The following ERAP2 variants were observed in gnomAD, a reference collection of about 807,000 sequenced individuals.
ERAP2 encodes leukocyte-derived arginine aminopeptidase.
Under a neutral mutation model 111.1 loss-of-function variants are expected in ERAP2, and 118 were observed. The observed-to-expected ratio is 1.06, with a 90% CI of 0.92 to 1.24. The LOEUF (loss-of-function observed/expected upper bound fraction) is 1.24, where lower values mean the gene tolerates loss of function less well. Ranked by LOEUF, ERAP2 falls within the 50% of genes most tolerant of loss-of-function variation. The pLI, the probability that ERAP2 is intolerant of heterozygous loss-of-function variation, is 0.00. For synonymous variants in ERAP2, 410 were observed against 401.2 expected (o/e 1.02, Z -0.26); for missense variants, 1,131 against 1,125.8 (o/e 1.00, Z -0.07).
At chr5:96,884,008 T>C in intron 3 of ERAP2, 78 bp downstream of exon 3, 1 of 1,347,816 alleles carries the variant, frequency 7.4e-7, no homozygotes, top group Non-Finnish European at 1.0e-6. Context: ...AAAATTGCTT[T>C]CAGGATTTCA....
rs1784751390 is a variant in ERAP2 at position 96,895,185 on chromosome 5, T to TTG, written c.1126-61_1126-60insTG. 4.9e-6 allele frequency: 5 copies of TTG among 1,027,688 alleles called. No individual in the cohort carries two copies. In the East Asian group the frequency reaches 1.3e-4, roughly 27 times the overall value. 63.7% of individuals were successfully genotyped at this position (1,027,688 alleles called of 1,614,324 possible). The stretch of plus-strand genomic sequence containing the variant: ...AAAAGTTAGTAACTATTGTATTTTT[T>TTG]GCTAAAGTTAATAATTTTTATTTGT... On this transcript the variant is annotated intron_variant, in intron 6 of 18. Coordinates refer to ENST00000437043, the MANE Select transcript of ERAP2 (RefSeq NM_022350.5).
rs1416290196 is a variant in ERAP2, at chr5:96,909,560, C to T, written c.2170-20C>T. ...GGACTAAATTTAGCCTCTCTGTTAA[C>T]CATCTCATATTTTCTGCAGCGTTAC... is the stretch of plus-strand genomic sequence containing the variant. On this transcript the variant is annotated intron_variant, in intron 14 of 18. Coordinates refer to ENST00000437043, the MANE Select transcript of ERAP2 (RefSeq NM_022350.5). The T allele has an allele frequency of 3.1e-6, 5 of 1,600,640 alleles. No individual in the cohort carries two copies. The highest frequency in any genetic ancestry group is 1.1e-5 in the South Asian group (1 of 90,764).
chr5:96,899,876 A>G (rs1785265950), intron 9 of ERAP2, among the ~76,000 whole-genome samples: 1 of 152,214 alleles, frequency 6.6e-6, no homozygotes, highest in South Asian at 2.1e-4. Context: ...ACGGTTAATG[A>G]CTTTATTGAA....
At chr5:96,881,987 G>A (rs1204585324) in intron 2 of ERAP2, among the ~76,000 whole-genome samples, 1 of 90,838 alleles carries the variant, frequency 1.1e-5, no homozygotes, top group Non-Finnish European at 2.2e-5. Flanking sequence ...ATGGGTATCA[G>A]GAAGTGACTA....
chr5:96,881,550 T>C, intron 2 of ERAP2: 1 of 453,056 alleles, frequency 2.2e-6, no homozygotes, highest in Non-Finnish European at 4.4e-6. Flanking sequence ...TGGAGAAATC[T>C]AAATTCCATG....
chr5:96,896,496 T>C lies in ERAP2; in HGVS notation c.1363T>C (p.Tyr455His). Reference sequence around the variant, plus strand: ...ACAGGAAATGTTTGATGAAGTTTCCTATAACAAGGTAGTAAATATCAGGTG... The same window carrying C: ...ACAGGAAATGTTTGATGAAGTTTCCCATAACAAGGTAGTAAATATCAGGTG... ...QIQEMFDEVSYNKGACILNML... is the reference protein window; with the variant it reads ...QIQEMFDEVSHNKGACILNML... Residue 455 changes from tyrosine to histidine, a missense_variant, in exon 8 of 19, where the codon TAT becomes CAT. Physicochemically the swap from Tyr to His is moderately conservative, Grantham distance 83. Coordinates refer to ENST00000437043, the MANE Select transcript of ERAP2 (RefSeq NM_022350.5). 1 of 1,613,112 alleles carries C rather than the reference T, an allele frequency of 6.2e-7. No individual in the cohort carries two copies. Among genetic ancestry groups the C allele is most frequent in the South Asian group, 1.1e-5 (1 of 90,974 alleles).
chr5:96,886,800 G>A lies in ERAP2; in HGVS notation c.849+11G>A, dbSNP rs771577848. On this transcript the variant is annotated intron_variant, in intron 4 of 18. Transcript: ENST00000437043. The stretch of plus-strand genomic sequence containing the variant: ...TCATCAGGGGTCAAGGTGAGACTGA[G>A]TTCTAACGTTCTACGCAGTGCAGAA... The A allele has an allele frequency of 4.8e-6, 7 of 1,472,502 alleles. No homozygotes were observed. The South Asian group carries it at 1.0e-4, about 21-fold the overall frequency. 91.2% of individuals were successfully genotyped at this position (1,472,502 alleles called of 1,614,324 possible).
Position 96,912,816 on chromosome 5 carries a change from A to G in ERAP2, c.2516+18A>G, listed in dbSNP as rs781675974. The G allele has an allele frequency of 4.8e-5, 76 of 1,576,252 alleles. No homozygotes were observed. Among genetic ancestry groups the G allele is most frequent in the Non-Finnish European group, 5.9e-5 (69 of 1,166,486 alleles). Reference sequence around the variant, plus strand: ...TTACTGAAGTAAGTTCAATAATTTAACTAAATTGTTATAAGTAAACTGACA... The same window carrying G: ...TTACTGAAGTAAGTTCAATAATTTAGCTAAATTGTTATAAGTAAACTGACA... On this transcript the variant is annotated intron_variant, in intron 16 of 18. Coordinates refer to ENST00000437043, the MANE Select transcript of ERAP2 (RefSeq NM_022350.5).
At chr5:96,904,016 G>C (rs1477610642) in intron 13 of ERAP2, among the ~76,000 whole-genome samples, 1 of 152,138 alleles carries the variant, frequency 6.6e-6, no homozygotes, top group Non-Finnish European at 1.5e-5. Flanking sequence ...TATGTTATTA[G>C]CTGCTACACC....
At chr5:96,914,146 T>A (rs1010496614) in intron 17 of ERAP2, among the ~76,000 whole-genome samples, 78 of 104,720 alleles carry the variant, frequency 7.4e-4, no homozygotes, top group African/African-American at 2.8e-3. Flanking sequence ...TCTCTCTCTC[T>A]CTCACACACA....
At chr5:96,885,353 C>T (rs948372540) in intron 3 of ERAP2, among the ~76,000 whole-genome samples, 4 of 152,178 alleles carry the variant, frequency 2.6e-5, no homozygotes, top group Non-Finnish European at 5.9e-5. Context: ...GTTGAATCAG[C>T]TTCCTAAAAA....
rs1787558947 is a variant in ERAP2, at chr5:96,917,581, G to T, written c.2859G>T (p.Arg953Ser). 6.2e-7 allele frequency: 1 copy of T among 1,612,892 alleles called. No homozygotes were observed. The highest frequency in any genetic ancestry group is 8.5e-7 in the Non-Finnish European group (1 of 1,179,290). The change falls in exon 19 of 19, where the codon AGG becomes AGT. Residue 953 changes from arginine (R) to serine (S), a missense_variant. Transcript: ENST00000437043. ...TGGAGAAGAATCTTCCGACTCTGAG[G>T]ACTTGGCTAATGGTTAATACTTAAA... ...KWLEKNLPTL[R>S]TWLMVNT
intron 5 of ERAP2, chr5:96,889,530 C>T (rs1784108324): frequency 4.3e-6 from 3 of 696,260 alleles, no homozygotes; most frequent in African/African-American, 1.8e-5. Flanking sequence ...TCAGGTTTAA[C>T]GTTAACATAT....
At chr5:96,882,948 T>G (rs1290091202) in intron 2 of ERAP2, among the ~76,000 whole-genome samples, 1 of 152,190 alleles carries the variant, frequency 6.6e-6, no homozygotes, top group Non-Finnish European at 1.5e-5. Context: ...TAATTGAAGC[T>G]TAAAGTCCAA....
intron 6 of ERAP2, among the ~76,000 whole-genome samples, chr5:96,893,427 C>T (rs1784575043): frequency 6.6e-6 from 1 of 152,206 alleles, no homozygotes; most frequent in Non-Finnish European, 1.5e-5. Flanking sequence ...GAGCCATGCT[C>T]AACACTGTGC....
intron 1 of ERAP2, among the ~76,000 whole-genome samples, chr5:96,879,045 G>C (rs1403658627): frequency 1.3e-5 from 2 of 152,070 alleles, no homozygotes; most frequent in African/African-American, 2.4e-5. Context: ...TGGGTAACAG[G>C]GAGACCCCCA....
chr5:96,880,695 GA>G (rs77819744), intron 2 of ERAP2, among the ~76,000 whole-genome samples: 35,756 of 152,052 alleles, frequency 0.24, 4,883 homozygotes, highest in East Asian at 0.46. Context: ...CGAATAGTCA[GA>G]AACAAGGAAC....
chr5:96,878,675 C>T (rs144990123), intron 1 of ERAP2, among the ~76,000 whole-genome samples: 137 of 152,222 alleles, frequency 9.0e-4, no homozygotes, highest in African/African-American at 3.1e-3. Flanking sequence ...CGCCTGTGAT[C>T]TCAGCACTTT....
At position 96,879,854 on chromosome 5, in the gene ERAP2, A is replaced by G; in HGVS notation, c.169A>G (p.Thr57Ala). The G allele has an allele frequency of 6.2e-7, 1 of 1,614,192 alleles. No individual in the cohort carries two copies. Among genetic ancestry groups the G allele is most frequent in the Non-Finnish European group, 8.5e-7 (1 of 1,180,034 alleles). ...GGATCCTGGGGCTTTCCCAGTAGCC[A>G]CTAATGGGGAACGATTTCCTTGGCA... ...TEDPGAFPVA[T>A]NGERFPWQEL... The change falls in exon 2 of 19, where the codon ACT (threonine) becomes GCT (alanine). Residue 57 changes from threonine to alanine, a missense_variant. Transcript: ENST00000437043.
Sources: allele counts gnomAD v4.1 joint callset (sites outside exome capture counted in the v4.1 genomes callset), GRCh38; gene constraint gnomAD v4.1.1; transcripts MANE v1.5; gene names NCBI Gene and HGNC (gene_info 2026-07-23, HGNC 2026-07-21).